Variants in RNF11 observed in about 807,000 individuals in gnomAD.
RNF11 encodes the protein ring finger protein 11.
RNF11 carries 4 observed loss-of-function variants against 15.8 expected under a neutral mutation model. The observed-to-expected ratio is 0.25, with a 90% confidence interval of 0.12 to 0.58. The LOEUF (loss-of-function observed/expected upper bound fraction) is 0.58. Among genes scored for constraint, RNF11 ranks in the 20% least tolerant of loss-of-function variants. The probability of loss-of-function intolerance (pLI) is 0.91; values close to 1 mark genes in which losing one functional copy is unlikely to be tolerated. For synonymous variants in RNF11, 68 were observed against 72.3 expected (o/e 0.94, Z 0.30); for missense variants, 139 against 194.4 (o/e 0.71, Z 1.70).
At chr1:51,254,195 G>A (rs1016409975) in intron 1 of RNF11, among the ~76,000 whole-genome samples, 2 of 152,042 alleles carry the variant, frequency 1.3e-5, no homozygotes, top group Non-Finnish European at 1.5e-5. Flanking sequence ...TAATTCTGTT[G>A]ATTAGGTTAT....
intron 1 of RNF11, among the ~76,000 whole-genome samples, chr1:51,244,291 T>C (rs1400011332): frequency 6.6e-6 from 1 of 152,266 alleles, no homozygotes; most frequent in Non-Finnish European, 1.5e-5. Flanking sequence ...CCCAGAATCC[T>C]GTGCTTTAGT....
chr1:51,261,882 C>T (rs376521313), intron 1 of RNF11, among the ~76,000 whole-genome samples: 3 of 151,990 alleles, frequency 2.0e-5, no homozygotes, highest in East Asian at 1.9e-4. Flanking sequence ...AAAAATTTCA[C>T]GGCTCGTTGC....
chr1:51,257,742 G>A (rs1184949353), intron 1 of RNF11, among the ~76,000 whole-genome samples: 5 of 151,644 alleles, frequency 3.3e-5, no homozygotes, highest in African/African-American at 1.2e-4. Flanking sequence ...ACAGGCGTGA[G>A]CTACTGTGCC....
At chr1:51,268,365 T>C (rs1159624605) in intron 1 of RNF11, among the ~76,000 whole-genome samples, 3 of 152,186 alleles carry the variant, frequency 2.0e-5, no homozygotes, top group South Asian at 2.1e-4. Context: ...CTAAAAGATA[T>C]AGAGAGGGTT....
In RNF11 at chr1:51,236,379, C is replaced by G. The variant is rs879281416; in HGVS notation, c.-378C>G. On this transcript the variant is annotated 5_prime_UTR_variant, in exon 1 of 3. Transcript: ENST00000242719. Reference sequence around the variant, plus strand: ...TCGGCGGGGGCAGCAGCAGCTGAGGCAGCAGCTGAGGCAGCCGCGACGGCC... The same window carrying G: ...TCGGCGGGGGCAGCAGCAGCTGAGGGAGCAGCTGAGGCAGCCGCGACGGCC... 154 of 159,560 alleles carry G rather than the reference C, an allele frequency of 9.7e-4. No individual in the cohort carries two copies. The highest frequency in any genetic ancestry group is 1.5e-3 in the Non-Finnish European group (111 of 73,176). 9.9% of individuals were successfully genotyped at this position (159,560 alleles called of 1,614,324 possible).
intron 2 of RNF11, 86 bp from the exon 3 acceptor site, chr1:51,271,065 A>G (rs974698405): frequency 1.8e-6 from 2 of 1,128,758 alleles, no homozygotes; most frequent in Non-Finnish European, 2.6e-6. Flanking sequence ...ACTCAGATTA[A>G]CACTGTCTTT....
chr1:51,249,231 C>G (rs1646866379), intron 1 of RNF11, among the ~76,000 whole-genome samples: 1 of 152,090 alleles, frequency 6.6e-6, no homozygotes, highest in African/African-American at 2.4e-5. Flanking sequence ...ACTAGTGTAT[C>G]TTTAACAGAA....
At chr1:51,247,916 A>G (rs1017604174) in intron 1 of RNF11, among the ~76,000 whole-genome samples, 1 of 152,226 alleles carries the variant, frequency 6.6e-6, no homozygotes, top group Admixed American at 6.5e-5. Context: ...CTGAACACTC[A>G]TAAAGTTGAA....
intron 1 of RNF11, among the ~76,000 whole-genome samples, chr1:51,237,164 T>C (rs999290198): frequency 6.6e-6 from 1 of 151,882 alleles, no homozygotes; most frequent in African/African-American, 2.4e-5. Context: ...GCTTGTGGAG[T>C]TTGGGAGTGA....
At chr1:51,263,111 C>T (rs1040003267) in intron 1 of RNF11, among the ~76,000 whole-genome samples, 1 of 152,098 alleles carries the variant, frequency 6.6e-6, no homozygotes, top group East Asian at 1.9e-4. Context: ...TAAGATGGTG[C>T]AGGTGCTTTG....
At chr1:51,263,915 A>G (rs1301985417) in intron 1 of RNF11, among the ~76,000 whole-genome samples, 3 of 152,082 alleles carry the variant, frequency 2.0e-5, no homozygotes, top group Non-Finnish European at 4.4e-5. Flanking sequence ...CAGTTAATGG[A>G]AGCCTTTCAC....
At position 51,248,127 on chromosome 1, in the gene RNF11, G is replaced by A. The variant is rs550890582; in HGVS notation, c.123+11248G>A. 1.1e-4 allele frequency among the ~76,000 whole-genome samples: 15 copies of A among 141,066 alleles called. No homozygotes were observed. In the Admixed American group the frequency reaches 1.1e-3, roughly 10 times the overall value. The allele number at this position is 141,066 out of a possible 152,430, so 92.5% of individuals were successfully genotyped here. ...TTTTTTTTTTTTTTTTTGAGATGGA[G>A]CTTCGCTCTTGTTGCTCAGGTTGGA... is the stretch of plus-strand genomic sequence containing the variant. On this transcript the variant is annotated intron_variant, in intron 1 of 2. Coordinates refer to ENST00000242719, the MANE Select transcript of RNF11 (RefSeq NM_014372.5).
chr1:51,267,028 G>A (rs753171019), intron 1 of RNF11, among the ~76,000 whole-genome samples: 4 of 152,050 alleles, frequency 2.6e-5, no homozygotes, highest in South Asian at 2.1e-4. Flanking sequence ...CTAGAGGATC[G>A]CTTGAGGCCA....
intron 1 of RNF11, among the ~76,000 whole-genome samples, chr1:51,269,624 A>G (rs1019035371): frequency 6.6e-6 from 1 of 152,190 alleles, no homozygotes; most frequent in Non-Finnish European, 1.5e-5. Flanking sequence ...CAGTCCATTT[A>G]AAAAGTTTTA....
rs1428750893 is a variant in RNF11 at position 51,271,235 on chromosome 1, A to G, written c.378A>G (p.Ile126Met). The G allele has an allele frequency of 1.2e-6, 2 of 1,614,152 alleles. No individual in the cohort carries two copies. Among genetic ancestry groups the G allele is most frequent in the Non-Finnish European group, 1.7e-6 (2 of 1,179,960 alleles). ...PCMHIYHLDC[I>M]DDWLMRSFTC... ...TGCACATCTATCACCTGGACTGTAT[A>G]GATGACTGGTTGATGAGATCCTTCA... The change falls in exon 3 of 3, where the codon ATA becomes ATG. Residue 126 changes from isoleucine to methionine, a missense_variant. Physicochemically the swap from Ile to Met is conservative, Grantham distance 10. Transcript: ENST00000242719.
chr1:51,242,714 T>C (rs1242686821), intron 1 of RNF11, among the ~76,000 whole-genome samples: 1 of 152,134 alleles, frequency 6.6e-6, no homozygotes, highest in East Asian at 1.9e-4. Context: ...CCTCCCACCA[T>C]GTCTCCCAGT....
chr1:51,251,292 A>T, intron 1 of RNF11: 1 of 1,446,240 alleles, frequency 6.9e-7, no homozygotes, highest in Non-Finnish European at 9.5e-7. Context: ...CAGCTTGGTG[A>T]CGGGCATCCA....
At chr1:51,257,701 G>A (rs1008952679) in intron 1 of RNF11, among the ~76,000 whole-genome samples, 1 of 151,696 alleles carries the variant, frequency 6.6e-6, no homozygotes, top group African/African-American at 2.4e-5. Flanking sequence ...CAAGTGATCC[G>A]CCTGCCTCAG....
chr1:51,237,511 A>C (rs1481128779), intron 1 of RNF11, among the ~76,000 whole-genome samples: 1 of 150,484 alleles, frequency 6.6e-6, no homozygotes, highest in Non-Finnish European at 1.5e-5. Context: ...CATATGACAC[A>C]CCTTTTAAAC....
Sources: allele counts gnomAD v4.1 joint callset (sites outside exome capture counted in the v4.1 genomes callset), GRCh38; gene constraint gnomAD v4.1.1; transcripts MANE v1.5; gene names NCBI Gene and HGNC (gene_info 2026-07-23, HGNC 2026-07-21).